KITLG: variants seen among roughly 807,000 people sequenced by gnomAD.
The protein encoded by KITLG is KIT ligand.
Under a neutral mutation model 34.1 loss-of-function variants are expected in KITLG, and 13 were observed. The observed-to-expected ratio is 0.38, with a 90% CI of 0.25 to 0.61. The LOEUF is 0.61. Ranked by LOEUF, KITLG falls within the 20% of genes least tolerant of loss-of-function variation. The probability of loss-of-function intolerance (pLI) is 0.60; values close to 1 mark genes in which losing one functional copy is unlikely to be tolerated. For synonymous variants in KITLG, 110 were observed against 104.0 expected (o/e 1.06, Z -0.35); for missense variants, 292 against 318.9 (o/e 0.92, Z 0.64).
chr12:88,560,841 G>A (rs369303332), intron 1 of KITLG, among the ~76,000 whole-genome samples: 10 of 151,716 alleles, frequency 6.6e-5, no homozygotes, highest in East Asian at 3.9e-4. Flanking sequence ...GGTGGCATGC[G>A]CCTGTAGTCC....
intron 6 of KITLG, among the ~76,000 whole-genome samples, chr12:88,514,335 A>G (rs1325898899): frequency 6.6e-6 from 1 of 151,742 alleles, no homozygotes; most frequent in Admixed American, 6.6e-5. Context: ...AATCAATGAA[A>G]TATAAGCAGA....
intron 1 of KITLG, among the ~76,000 whole-genome samples, chr12:88,558,072 A>G (rs539456937): frequency 9.3e-4 from 142 of 152,340 alleles, no homozygotes; most frequent in African/African-American, 3.2e-3. Context: ...GTGATGTGAA[A>G]TGAGCATAGG....
chr12:88,494,818 T>G lies in KITLG; in HGVS notation c.*2401A>C, dbSNP rs1361268741. The G allele has an allele frequency of 1.3e-5, 2 of 152,126 alleles. No homozygotes were observed. The highest frequency in any genetic ancestry group is 2.9e-5 in the Non-Finnish European group (2 of 67,950). 9.4% of individuals were successfully genotyped at this position (152,126 alleles called of 1,614,324 possible). A position where few individuals can be genotyped will look rare whatever the true frequency, so the allele number is the denominator to read the frequency against. On this transcript the variant is annotated 3_prime_UTR_variant, in exon 10 of 10. Coordinates refer to ENST00000644744, the MANE Select transcript of KITLG (RefSeq NM_000899.5). Reference sequence around the variant, plus strand: ...GAAAAGGCGATTTCATGGTTTACTATCTCAGCAGTGAGTTTTCCATGATTT... The same window carrying G: ...GAAAAGGCGATTTCATGGTTTACTAGCTCAGCAGTGAGTTTTCCATGATTT...
chr12:88,503,431 A>G (rs1047286005), intron 9 of KITLG, among the ~76,000 whole-genome samples: 2 of 152,190 alleles, frequency 1.3e-5, no homozygotes, highest in Non-Finnish European at 2.9e-5. Context: ...AGAGGAGAGT[A>G]AATAATCCTT....
chr12:88,556,589 A>G (rs1211178134), intron 1 of KITLG, among the ~76,000 whole-genome samples: 1 of 152,238 alleles, frequency 6.6e-6, no homozygotes, highest in Non-Finnish European at 1.5e-5. Context: ...AAAGGGGAAG[A>G]GGCACAAATG....
At chr12:88,570,725 C>T (rs1871621003) in intron 1 of KITLG, among the ~76,000 whole-genome samples, 1 of 152,034 alleles carries the variant, frequency 6.6e-6, no homozygotes, top group Admixed American at 6.6e-5. Flanking sequence ...CTTAATCTCT[C>T]TGAACTTCAG....
In KITLG at chr12:88,537,294, CA is replaced by C. The variant is rs759211989; in HGVS notation, c.130-4792del. On this transcript the variant is annotated intron_variant, in intron 2 of 9. Transcript: ENST00000644744. ...TACACCATGGAATACTATGCAGCCA[CA>C]AAAAAAAACAATAAAATCATGTCTT... Among the ~76,000 whole-genome samples, 475 of 149,612 alleles carry C rather than the reference CA, an allele frequency of 3.2e-3. 2 individuals are homozygous for C. The highest frequency in any genetic ancestry group is 7.0e-3 in the African/African-American group (285 of 40,866).
At chr12:88,509,685 C>T (rs577481068) in intron 6 of KITLG, among the ~76,000 whole-genome samples, 19 of 152,232 alleles carry the variant, frequency 1.2e-4, no homozygotes, top group African/African-American at 4.6e-4. Flanking sequence ...GCTTCACCTC[C>T]CATAGAGGTC....
intron 9 of KITLG, among the ~76,000 whole-genome samples, chr12:88,499,979 A>G (rs1868788763): frequency 6.6e-6 from 1 of 152,110 alleles, no homozygotes; most frequent in Non-Finnish European, 1.5e-5. Flanking sequence ...TGTCACCCAC[A>G]TCTTTCCTAC....
At chr12:88,538,379 T>C (rs1292619146) in intron 2 of KITLG, among the ~76,000 whole-genome samples, 2 of 151,636 alleles carry the variant, frequency 1.3e-5, no homozygotes, top group African/African-American at 4.8e-5. Flanking sequence ...ACACATAGCA[T>C]CATCTCTGTG....
rs752943943 is a variant in KITLG, at chr12:88,534,735, C to T, written c.130-2232G>A. 6 of 510,796 alleles carry T rather than the reference C, an allele frequency of 1.2e-5. No individual in the cohort carries two copies. The Middle Eastern group carries it at 9.6e-4, about 82-fold the overall frequency. The allele number at this position is 510,796 out of a possible 1,614,324, so 31.6% of individuals were successfully genotyped here. On this transcript the variant is annotated intron_variant, in intron 2 of 9. Coordinates refer to ENST00000644744, the MANE Select transcript of KITLG (RefSeq NM_000899.5). The stretch of plus-strand genomic sequence containing the variant: ...GGCATTTTTGTTCATTTATTTTTGG[C>T]GTTAACTCCCTTATTCTTTACACTT...
chr12:88,563,230 G>A (rs1566035364), intron 1 of KITLG, among the ~76,000 whole-genome samples: 2 of 152,170 alleles, frequency 1.3e-5, no homozygotes. Flanking sequence ...CAGAAGTGAT[G>A]ACATGGGTTA....
intron 6 of KITLG, among the ~76,000 whole-genome samples, chr12:88,512,980 T>C (rs959205048): frequency 1.3e-5 from 2 of 151,812 alleles, no homozygotes; most frequent in Admixed American, 6.6e-5. Context: ...ATAATAAATA[T>C]GCAGGTTAAT....
At chr12:88,505,355 T>C (rs1869018599) in intron 8 of KITLG, 120 bp from the exon 9 acceptor site, 2 of 735,200 alleles carry the variant, frequency 2.7e-6, no homozygotes, top group Admixed American at 2.2e-5. Flanking sequence ...GATTGCAAAA[T>C]TGAATGGGGA....
At chr12:88,521,145 A>G (rs1454819871) in intron 3 of KITLG, among the ~76,000 whole-genome samples, 2 of 152,062 alleles carry the variant, frequency 1.3e-5, no homozygotes, top group African/African-American at 2.4e-5. Flanking sequence ...TCAAAGTTCT[A>G]TTTTTCAGTA....
chr12:88,516,248 G>A, intron 5 of KITLG, 86 bp downstream of exon 5: 1 of 1,146,390 alleles, frequency 8.7e-7, no homozygotes, highest in South Asian at 1.2e-5. Context: ...TCTTGCTACA[G>A]CTTAACACAG....
intron 3 of KITLG, among the ~76,000 whole-genome samples, chr12:88,531,082 A>T (rs1295480642): frequency 6.6e-6 from 1 of 152,226 alleles, no homozygotes; most frequent in East Asian, 1.9e-4. Context: ...GAAATGAGTC[A>T]ACATAAAACA....
At chr12:88,563,040 A>C (rs1325227163) in intron 1 of KITLG, among the ~76,000 whole-genome samples, 1 of 152,256 alleles carries the variant, frequency 6.6e-6, no homozygotes, top group Non-Finnish European at 1.5e-5. Context: ...TGAGAAGTCA[A>C]CAATTCCATA....
chr12:88,569,312 T>C (rs2120978404), intron 1 of KITLG, among the ~76,000 whole-genome samples: 1 of 152,302 alleles, frequency 6.6e-6, no homozygotes, highest in East Asian at 1.9e-4. Flanking sequence ...TCTTTTTCAG[T>C]TTTTGTTTTA....
Sources: gnomAD v4.1 joint callset for allele counts (sites outside exome capture counted in the v4.1 genomes callset) on GRCh38, gnomAD v4.1.1 for gene constraint, MANE v1.5 for transcripts, NCBI Gene and HGNC (gene_info 2026-07-23, HGNC 2026-07-21) for gene names.